Variants in ADGRE2 observed in about 807,000 individuals in gnomAD.
ADGRE2 encodes the protein adhesion G protein-coupled receptor E2.
In ADGRE2, 83 loss-of-function variants were observed where a neutral mutation model predicts 100.8. The ratio of observed to expected loss-of-function variants is 0.82; its 90% CI spans 0.69 to 0.99. ADGRE2 has a LOEUF of 0.99. Among genes scored for constraint, ADGRE2 ranks in the 50% least tolerant of loss-of-function variants. The pLI is 0.00. For missense variants in ADGRE2, 814 were observed against 1,035.7 expected (o/e 0.79, Z 2.94); for synonymous variants, 355 against 413.0 (o/e 0.86, Z 1.70).
Position 14,764,573 on chromosome 19 carries a change from G to A in ADGRE2, c.944C>T (p.Pro315Leu). ...LQALDELLEA[P>L]GDLETLPRLQ... ...GCGGGGCAGGGTCTCCAGGTCCCCA[G>A]GGGCCTCCAGCAGCTCATCCAGCGC... The change falls in exon 11 of 21, where the codon CCT becomes CTT. Residue 315 changes from proline to leucine, a missense_variant. By Grantham distance (98) the Pro-to-Leu change is moderately conservative. Transcript: ENST00000315576. 6.2e-7 allele frequency: 1 copy of A among 1,612,712 alleles called. No individual in the cohort carries two copies. The highest frequency in any genetic ancestry group is 1.1e-5 in the South Asian group (1 of 91,068).
Position 14,776,709 on chromosome 19 carries a change from G to T in ADGRE2, c.31+17C>A. 6.2e-7 allele frequency: 1 copy of T among 1,611,506 alleles called. No individual in the cohort carries two copies. The highest frequency in any genetic ancestry group is 8.5e-7 in the Non-Finnish European group (1 of 1,178,872). On this transcript the variant is annotated intron_variant, in intron 2 of 20. Transcript: ENST00000315576. ...GCTTCCTCGCTACCACCCCCAGCGG[G>T]GCCCCAAAGTACTTACCGAGAAAGA... is the stretch of plus-strand genomic sequence containing the variant.
intron 20 of ADGRE2, among the ~76,000 whole-genome samples, chr19:14,737,957 A>G (rs1401695741): frequency 6.6e-6 from 1 of 150,874 alleles, no homozygotes; most frequent in Non-Finnish European, 1.5e-5. Context: ...AGTCTGGGCG[A>G]CAGAGTAAAA....
chr19:14,736,120 CATG>C lies in ADGRE2; in HGVS notation c.*113_*115del. On this transcript the variant is annotated 3_prime_UTR_variant, in exon 21 of 21. Transcript: ENST00000315576. ...TCCATAACATCCTTCATATTGCTGACATGGTGAATTTCTTGAAACACACAGAAC... is the reference window on the plus strand; with the variant it reads ...TCCATAACATCCTTCATATTGCTGACGTGAATTTCTTGAAACACACAGAAC... 1 of 969,256 alleles carries C rather than the reference CATG, an allele frequency of 1.0e-6. No homozygotes were observed. Among genetic ancestry groups the C allele is most frequent in the Non-Finnish European group, 1.6e-6 (1 of 628,984 alleles). 60.0% of individuals were successfully genotyped at this position (969,256 alleles called of 1,614,324 possible).
intron 5 of ADGRE2, among the ~76,000 whole-genome samples, chr19:14,767,552 T>C (rs1568618972): frequency 6.6e-6 from 1 of 152,138 alleles, no homozygotes; most frequent in East Asian, 1.9e-4. Context: ...TCCTCCCTTT[T>C]CTAATCCACA....
intron 16 of ADGRE2, among the ~76,000 whole-genome samples, chr19:14,750,291 T>C (rs59968682): frequency 0.053 from 7,793 of 147,086 alleles, 1,319 homozygotes; most frequent in Middle Eastern, 0.076. Context: ...TATCTAATTA[T>C]GTGATCATAT....
chr19:14,731,270 G>A (rs2042669046), downstream of ADGRE2: 5 of 1,331,484 alleles, frequency 3.8e-6, no homozygotes, highest in African/African-American at 2.9e-5. Flanking sequence ...GATCACTACT[G>A]GGGCTTGAAG....
At chr19:14,754,477 A>ATCTATCTATCTGTCTG (rs61452345) in intron 14 of ADGRE2, among the ~76,000 whole-genome samples, 1 of 150,150 alleles carries the variant, frequency 6.7e-6, no homozygotes, top group African/African-American at 2.5e-5. Context: ...CTATCTATCT[A>ATCTATCTATCTGTCTG]TCTATCTATC....
At chr19:14,745,139 C>T (rs2043049554) in intron 18 of ADGRE2, among the ~76,000 whole-genome samples, 1 of 151,756 alleles carries the variant, frequency 6.6e-6, no homozygotes, top group Non-Finnish European at 1.5e-5. Flanking sequence ...AACTCCTGAC[C>T]TTGTGATCTG....
chr19:14,741,345 C>T (rs774805371), intron 20 of ADGRE2: 1 of 151,998 alleles, frequency 6.6e-6, no homozygotes, highest in Non-Finnish European at 1.5e-5. Flanking sequence ...GATTTGCTTG[C>T]CTTGGCCTCC....
At position 14,767,083 on chromosome 19, in the gene ADGRE2, T is replaced by C; in HGVS notation, c.382A>G (p.Arg128Gly). 4.4e-6 allele frequency: 7 copies of C among 1,578,988 alleles called. No homozygotes were observed. The highest frequency in any genetic ancestry group is 1.8e-5 in the Admixed American group (1 of 55,868). Residue 128 changes from arginine to glycine, a missense_variant, in exon 6 of 21, where the codon AGG (arginine) becomes GGG (glycine). By Grantham distance (125) the Arg-to-Gly change is moderately radical (BLOSUM62 -2). Around this residue, in one of 5 missense-constraint regions of ADGRE2, gnomAD observed 14 missense variants for 42.6 expected, o/e 0.33. Coordinates refer to ENST00000315576, the MANE Select transcript of ADGRE2 (RefSeq NM_013447.4). ...QDVDECQQNP[R>G]LCKSYGTCVN... is the part of the protein sequence containing the mutation. ...CAGGTGCCGTAGCTTTTACAGAGCC[T>C]TGGGTTCTGCTGACATTCGTCCACA... is the stretch of plus-strand genomic sequence containing the variant.
chr19:14,731,171 T>G (rs2042668213), downstream of ADGRE2: 4 of 1,534,620 alleles, frequency 2.6e-6, no homozygotes, highest in Non-Finnish European at 3.5e-6. Flanking sequence ...AATTCCCTTT[T>G]CAGCCACCCA....
At position 14,764,718 on chromosome 19, in the gene ADGRE2, G is replaced by T. The variant is rs531999126; in HGVS notation, c.907-108C>A. ...AGATCCTAGAGACTGTCTATCTGGGGGATGAAGATGGCATTGGCGGCTGGG... is the reference window on the plus strand; with the variant it reads ...AGATCCTAGAGACTGTCTATCTGGGTGATGAAGATGGCATTGGCGGCTGGG... On this transcript the variant is annotated intron_variant, in intron 10 of 20. Transcript: ENST00000315576. 8.3e-6 allele frequency: 10 copies of T among 1,210,172 alleles called. No homozygotes were observed. The African/African-American group carries it at 1.4e-4, about 17-fold the overall frequency. 75.0% of individuals were successfully genotyped at this position (1,210,172 alleles called of 1,614,324 possible).
intron 16 of ADGRE2, among the ~76,000 whole-genome samples, chr19:14,749,400 T>C (rs894292373): frequency 5.0e-5 from 7 of 140,770 alleles, no homozygotes; most frequent in Non-Finnish European, 7.6e-5. Flanking sequence ...TTATATAATA[T>C]AATTATTTAT....
Position 14,764,572 on chromosome 19 carries a change from A to G in ADGRE2, c.945T>C (p.Pro315=). 1 of 1,612,700 alleles carries G rather than the reference A, an allele frequency of 6.2e-7. No homozygotes were observed. The highest frequency in any genetic ancestry group is 1.3e-5 in the African/African-American group (1 of 75,054). The change falls in exon 11 of 21, where the codon CCT becomes CCC. Residue 315 remains proline, a synonymous_variant. Coordinates refer to ENST00000315576, the MANE Select transcript of ADGRE2 (RefSeq NM_013447.4). ...AGCGGGGCAGGGTCTCCAGGTCCCCAGGGGCCTCCAGCAGCTCATCCAGCG... is the reference window on the plus strand; with the variant it reads ...AGCGGGGCAGGGTCTCCAGGTCCCCGGGGGCCTCCAGCAGCTCATCCAGCG... ...LQALDELLEA[P]GDLETLPRLQ...
chr19:14,768,927 A>G (rs1266400312), intron 5 of ADGRE2: 1 of 152,338 alleles, frequency 6.6e-6, no homozygotes, highest in Non-Finnish European at 1.5e-5. Flanking sequence ...GCCTGGGTCC[A>G]TGATGAGCTG....
chr19:14,739,848 C>T (rs539589936), intron 20 of ADGRE2, among the ~76,000 whole-genome samples: 1 of 152,148 alleles, frequency 6.6e-6, no homozygotes, highest in East Asian at 1.9e-4. Flanking sequence ...CGTCTGTAAT[C>T]CCAGCACTTT....
downstream of ADGRE2, among the ~76,000 whole-genome samples, chr19:14,727,970 C>A (rs1282741425): frequency 6.6e-6 from 1 of 152,220 alleles, no homozygotes; most frequent in Non-Finnish European, 1.5e-5. Flanking sequence ...CGCCTGTAAT[C>A]CCAGCACTTT....
downstream of ADGRE2, among the ~76,000 whole-genome samples, chr19:14,729,911 C>G (rs140911053): frequency 1.4e-3 from 210 of 152,140 alleles, 1 homozygote; most frequent in African/African-American, 4.8e-3. Flanking sequence ...AAGAAAAATG[C>G]CAGTGGGATC....
downstream of ADGRE2, among the ~76,000 whole-genome samples, chr19:14,729,767 A>G (rs983825630): frequency 1.3e-5 from 2 of 152,200 alleles, no homozygotes; most frequent in Admixed American, 6.5e-5. Flanking sequence ...GTGGATGTAA[A>G]TTGTTCTCAC....
Sources: allele counts gnomAD v4.1 joint callset (sites outside exome capture counted in the v4.1 genomes callset), GRCh38; gene constraint gnomAD v4.1.1; regional missense constraint gnomAD v4.1.1; transcripts MANE v1.5; gene names NCBI Gene and HGNC (gene_info 2026-07-23, HGNC 2026-07-21).